Variants in ACAD9 observed in about 807,000 individuals in gnomAD.
The protein encoded by ACAD9 is complex I assembly factor ACAD9, mitochondrial.
ACAD9 carries 53 observed loss-of-function variants against 70.2 expected under a neutral mutation model. The ratio of observed to expected loss-of-function variants is 0.75; its 90% CI spans 0.61 to 0.95. The LOEUF is 0.95. ACAD9 is among the 40% of genes least tolerant of loss of function. The pLI, the probability that ACAD9 is intolerant of heterozygous loss-of-function variation, is 0.00. For missense variants in ACAD9, 777 were observed against 802.8 expected, an observed-to-expected ratio of 0.97 and a Z score of 0.39; for synonymous variants, 313 against 312.1, an observed-to-expected ratio of 1.00 and a Z score of -0.03.
chr3:128,906,128 G>A lies in ACAD9; in HGVS notation c.1157G>A (p.Ser386Asn). 1 of 1,614,192 alleles carries A rather than the reference G, an allele frequency of 6.2e-7. No individual in the cohort carries two copies. Residue 386 changes from serine (S) to asparagine (N), a missense_variant, in exon 12 of 18, where the codon AGC becomes AAC. By Grantham distance (46) the Ser-to-Asn change is conservative (BLOSUM62 1). Transcript: ENST00000308982. ...SIEAAMVKVF[S>N]SEAAWQCVSE... ...CAGTGTGACACCCCACAGGTGTTCA[G>A]CTCCGAGGCCGCCTGGCAGTGTGTG... is the stretch of plus-strand genomic sequence containing the variant.
chr3:128,908,294 AG>A, intron 13 of ACAD9, 30 bp downstream of exon 13: 1 of 1,613,072 alleles, frequency 6.2e-7, no homozygotes, highest in South Asian at 1.1e-5. Context: ...TGTGCTTCTC[AG>A]GTCCCATACC....
intron 3 of ACAD9, among the ~76,000 whole-genome samples, chr3:128,894,381 A>G (rs1480904139): frequency 6.6e-6 from 1 of 152,186 alleles, no homozygotes; most frequent in Non-Finnish European, 1.5e-5. Context: ...TACAGCTGTG[A>G]TGGAAGATTC....
At chr3:128,904,358 T>C (rs1241187083) in intron 10 of ACAD9, 28 bp from the exon 11 acceptor site, 6 of 1,614,078 alleles carry the variant, frequency 3.7e-6, no homozygotes, top group Non-Finnish European at 5.1e-6. Context: ...ATGCAAATTG[T>C]TTCTTGTGTT....
rs2933342 is a variant in ACAD9 at position 128,887,648 on chromosome 3, T to A, written c.244+2902T>A. Among the ~76,000 whole-genome samples, 295 of 112,540 alleles carry A rather than the reference T, an allele frequency of 2.6e-3. 3 individuals are homozygous for A. Among genetic ancestry groups the A allele is most frequent in the Middle Eastern group, 0.014 (3 of 220 alleles). The allele number at this position is 112,540 out of a possible 152,430, so 73.8% of individuals were successfully genotyped here. ...ATAAAAATAAAAAAATAAATAAATATATATATATATATATATATATGCAAG... is the reference window on the plus strand; with the variant it reads ...ATAAAAATAAAAAAATAAATAAATAAATATATATATATATATATATGCAAG... On this transcript the variant is annotated intron_variant, in intron 2 of 17. Transcript: ENST00000308982.
chr3:128,907,953 C>T (rs956783918), intron 12 of ACAD9, among the ~76,000 whole-genome samples: 1 of 152,214 alleles, frequency 6.6e-6, no homozygotes, highest in African/African-American at 2.4e-5. Flanking sequence ...TGAGGCTGGT[C>T]ACGGAGAGGT....
At chr3:128,896,075 C>A (rs904209478) in intron 4 of ACAD9, among the ~76,000 whole-genome samples, 1 of 152,208 alleles carries the variant, frequency 6.6e-6, no homozygotes, top group Non-Finnish European at 1.5e-5. Flanking sequence ...ATCATCCAGA[C>A]CCTGTCAGTG....
At chr3:128,907,085 G>A (rs2107660339) in intron 12 of ACAD9, among the ~76,000 whole-genome samples, 1 of 152,218 alleles carries the variant, frequency 6.6e-6, no homozygotes, top group Non-Finnish European at 1.5e-5. Flanking sequence ...AGGATGAGTG[G>A]GATATGATGG....
intron 9 of ACAD9, 98 bp from the exon 10 acceptor site, chr3:128,903,964 T>A: frequency 7.9e-7 from 1 of 1,269,910 alleles, no homozygotes; most frequent in South Asian, 1.2e-5. Context: ...CTTCTCACAG[T>A]GCCCACCTGT....
intron 13 of ACAD9, chr3:128,908,714 G>T (rs751677754): frequency 1.7e-6 from 1 of 575,656 alleles, no homozygotes; most frequent in Non-Finnish European, 3.1e-6. Flanking sequence ...GTAGCATTTT[G>T]TCTCCTTCAC....
At chr3:128,901,211 G>A (rs779617438) in intron 7 of ACAD9, 65 bp from the exon 8 acceptor site, 5 of 1,455,134 alleles carry the variant, frequency 3.4e-6, no homozygotes, top group Admixed American at 1.7e-5. Flanking sequence ...TGAATTGCCT[G>A]CTTGCAGGTC....
At chr3:128,910,207 T>G in intron 16 of ACAD9, 58 bp downstream of exon 16, 1 of 1,611,586 alleles carries the variant, frequency 6.2e-7, no homozygotes, top group Non-Finnish European at 8.5e-7. Context: ...CTGCTGCACT[T>G]TAATGAAGTT....
At chr3:128,897,795 T>C in intron 6 of ACAD9, 85 bp downstream of exon 6, 1 of 1,205,502 alleles carries the variant, frequency 8.3e-7, no homozygotes, top group South Asian at 1.3e-5. Context: ...ACACCAGGGA[T>C]TGTACCTGCT....
At chr3:128,910,487 C>T (rs761705507) in intron 16 of ACAD9, among the ~76,000 whole-genome samples, 1 of 152,190 alleles carries the variant, frequency 6.6e-6, no homozygotes, top group Non-Finnish European at 1.5e-5. Context: ...CTGCACTTTC[C>T]AGAGCACCTG....
intron 17 of ACAD9, 150 bp downstream of exon 17, chr3:128,910,963 T>TA: frequency 1.1e-6 from 1 of 950,374 alleles, no homozygotes; most frequent in South Asian, 1.3e-5. Flanking sequence ...GGCCTGGGCT[T>TA]AGCTGCAGCA....
In ACAD9 at chr3:128,890,477, C is replaced by T. The variant is rs537644087; in HGVS notation, c.245-3078C>T. On this transcript the variant is annotated intron_variant, in intron 2 of 17. Coordinates refer to ENST00000308982, the MANE Select transcript of ACAD9 (RefSeq NM_014049.5). ...CAGCACTTTGGGCGGCCGAGATGGGCGGATCATGAGGTCAGGAGATCGACA... is the reference window on the plus strand; with the variant it reads ...CAGCACTTTGGGCGGCCGAGATGGGTGGATCATGAGGTCAGGAGATCGACA... Among the ~76,000 whole-genome samples the T allele has an allele frequency of 1.4e-4, 21 of 151,990 alleles. No homozygotes were observed. The East Asian group carries it at 3.7e-3, about 27-fold the overall frequency.
intron 1 of ACAD9, among the ~76,000 whole-genome samples, chr3:128,882,821 C>T (rs1007394586): frequency 3.9e-5 from 6 of 152,238 alleles, no homozygotes; most frequent in African/African-American, 1.4e-4. Context: ...TCCCCTAAGG[C>T]ATTGACCTGA....
chr3:128,888,535 C>T (rs942189189), intron 2 of ACAD9, among the ~76,000 whole-genome samples: 19 of 152,124 alleles, frequency 1.2e-4, no homozygotes, highest in African/African-American at 2.4e-4. Context: ...GCTGGGATGG[C>T]GCCACTGCAC....
intron 2 of ACAD9, among the ~76,000 whole-genome samples, chr3:128,887,312 A>G (rs1935278559): frequency 6.6e-6 from 1 of 152,130 alleles, no homozygotes; most frequent in Non-Finnish European, 1.5e-5. Flanking sequence ...AGATGTAAAT[A>G]TATAAGAAAC....
At chr3:128,908,495 G>A (rs556295990) in intron 13 of ACAD9, 122 of 605,782 alleles carry the variant, frequency 2.0e-4, no homozygotes, top group African/African-American at 1.7e-3. Flanking sequence ...CATAAATACC[G>A]TATCCCCCAT....
Sources: allele counts gnomAD v4.1 joint callset (sites outside exome capture counted in the v4.1 genomes callset), GRCh38; gene constraint gnomAD v4.1.1; transcripts MANE v1.5; gene names NCBI Gene and HGNC (gene_info 2026-07-23, HGNC 2026-07-21).